The following MED12L variants were observed in gnomAD, a reference collection of about 807,000 sequenced individuals.
The protein encoded by MED12L is mediator of RNA polymerase II transcription subunit 12-like protein.
MED12L carries 60 observed loss-of-function variants against 281.3 expected under a neutral mutation model. The ratio of observed to expected loss-of-function variants is 0.21; its 90% confidence interval spans 0.17 to 0.26. MED12L has a LOEUF of 0.26. Ranked by LOEUF, MED12L falls within the 10% of genes least tolerant of loss-of-function variation. The probability of loss-of-function intolerance (pLI) is 1.00; values close to 1 mark genes in which losing one functional copy is unlikely to be tolerated. For synonymous variants in MED12L, 974 were observed against 987.2 expected (o/e 0.99, Z 0.25); for missense variants, 2,146 against 2,680.9 (o/e 0.80, Z 4.41).
intron 44 of MED12L, among the ~76,000 whole-genome samples, chr3:151,431,683 T>G (rs1179676027): frequency 6.6e-6 from 1 of 152,100 alleles, no homozygotes; most frequent in Non-Finnish European, 1.5e-5. Flanking sequence ...TAGAAATAGG[T>G]AACTATGATT....
intron 3 of MED12L, among the ~76,000 whole-genome samples, chr3:151,119,778 A>G (rs1713458900): frequency 6.6e-6 from 1 of 152,210 alleles, no homozygotes; most frequent in South Asian, 2.1e-4. Flanking sequence ...GATTTACTCA[A>G]GGACCCAAGA....
At chr3:151,329,448 A>G in intron 16 of MED12L, 1 of 1,408,286 alleles carries the variant, frequency 7.1e-7, no homozygotes, top group South Asian at 1.3e-5. Context: ...TATATAAGCA[A>G]GCACACTCAT....
intron 11 of MED12L, among the ~76,000 whole-genome samples, chr3:151,176,823 G>A (rs1722107938): frequency 6.6e-6 from 1 of 151,480 alleles, no homozygotes; most frequent in Non-Finnish European, 1.5e-5. Context: ...TTGGTCAACT[G>A]CGGAATTAAG....
At chr3:151,121,206 A>G (rs2148767127) in intron 3 of MED12L, among the ~76,000 whole-genome samples, 1 of 152,332 alleles carries the variant, frequency 6.6e-6, no homozygotes, top group East Asian at 1.9e-4. Context: ...GTTTCCAAAC[A>G]GCTGGTTTTC....
chr3:151,125,673 A>G (rs1714407299), intron 4 of MED12L, among the ~76,000 whole-genome samples: 1 of 152,192 alleles, frequency 6.6e-6, no homozygotes, highest in Non-Finnish European at 1.5e-5. Flanking sequence ...TTCTAGTGAA[A>G]AGCAGCAACT....
At chr3:151,240,725 G>T (rs527878390) in intron 16 of MED12L, among the ~76,000 whole-genome samples, 1 of 152,194 alleles carries the variant, frequency 6.6e-6, no homozygotes, top group Non-Finnish European at 1.5e-5. Context: ...TAAATATCCA[G>T]TCAAGGGACT....
intron 39 of MED12L, among the ~76,000 whole-genome samples, chr3:151,397,984 C>T (rs1394480959): frequency 1.3e-5 from 2 of 151,984 alleles, no homozygotes; most frequent in Non-Finnish European, 2.9e-5. Flanking sequence ...TTTCTAGTAA[C>T]CCACTGGTTA....
chr3:151,296,594 C>T (rs1282129387), intron 16 of MED12L, among the ~76,000 whole-genome samples: 1 of 81,234 alleles, frequency 1.2e-5, no homozygotes. Flanking sequence ...TTCCTTCCTT[C>T]TTTCTCCCAC....
chr3:151,188,592 A>C, intron 13 of MED12L, 112 bp downstream of exon 13: 1 of 1,145,222 alleles, frequency 8.7e-7, no homozygotes, highest in Non-Finnish European at 1.2e-6. Flanking sequence ...CACTGAATAT[A>C]ATGTATGTTT....
intron 16 of MED12L, among the ~76,000 whole-genome samples, chr3:151,282,400 A>G (rs1162184753): frequency 6.7e-6 from 1 of 148,584 alleles, no homozygotes; most frequent in African/African-American, 2.5e-5. Context: ...CAAGTTATTT[A>G]TAATTGTGTG....
In MED12L at chr3:151,295,974, CA is replaced by C. The variant is rs780076180; in HGVS notation, c.2251-54084del. On this transcript the variant is annotated intron_variant, in intron 16 of 44. Coordinates refer to ENST00000687756, the MANE Select transcript of MED12L (RefSeq NM_001393769.1). ...CTGATTATTATAAATATTTACATGT[CA>C]TCTAGTAAATTCTTCATTAAAATGC... 7.9e-5 allele frequency among the ~76,000 whole-genome samples: 12 copies of C among 152,212 alleles called. No individual in the cohort carries two copies. In the South Asian group the frequency reaches 2.5e-3, roughly 32 times the overall value.
At chr3:151,192,959 T>C (rs1416573921) in intron 15 of MED12L, among the ~76,000 whole-genome samples, 1 of 152,238 alleles carries the variant, frequency 6.6e-6, no homozygotes, top group Non-Finnish European at 1.5e-5. Flanking sequence ...CATGTTGATT[T>C]GCTATGTATA....
chr3:151,401,101 C>A (rs1021094415), intron 39 of MED12L, among the ~76,000 whole-genome samples: 2 of 152,102 alleles, frequency 1.3e-5, no homozygotes, highest in Admixed American at 6.5e-5. Flanking sequence ...TGAAATGTTA[C>A]GTAAATGTTC....
intron 5 of MED12L, among the ~76,000 whole-genome samples, chr3:151,140,843 A>T (rs2054782739): frequency 6.9e-6 from 1 of 144,262 alleles, no homozygotes; most frequent in South Asian, 2.2e-4. Flanking sequence ...CCACACGCAG[A>T]TAATTTTGTT....
intron 2 of MED12L, among the ~76,000 whole-genome samples, chr3:151,097,764 A>G (rs1720905998): frequency 6.6e-6 from 1 of 152,148 alleles, no homozygotes; most frequent in Admixed American, 6.5e-5. Flanking sequence ...AATGTTCACC[A>G]ATGCACCAAA....
chr3:151,130,253 T>G (rs1475904275), intron 5 of MED12L, among the ~76,000 whole-genome samples: 2 of 151,960 alleles, frequency 1.3e-5, no homozygotes, highest in African/African-American at 4.8e-5. Flanking sequence ...TTAGTAAATG[T>G]TATGTGTAGT....
chr3:151,223,342 A>G (rs1729793417), intron 16 of MED12L, among the ~76,000 whole-genome samples: 1 of 152,226 alleles, frequency 6.6e-6, no homozygotes, highest in African/African-American at 2.4e-5. Context: ...ATTACTAGGT[A>G]TATACTCAAA....
chr3:151,116,172 A>G (rs1712779859), intron 2 of MED12L, among the ~76,000 whole-genome samples, 166 bp from the exon 3 acceptor site: 1 of 151,392 alleles, frequency 6.6e-6, no homozygotes, highest in South Asian at 2.1e-4. Context: ...TTATGTGTTT[A>G]TGTATTGGTG....
At chr3:151,346,332 G>T (rs1197655015) in intron 16 of MED12L, among the ~76,000 whole-genome samples, 1 of 152,064 alleles carries the variant, frequency 6.6e-6, no homozygotes, top group East Asian at 1.9e-4. Flanking sequence ...TGAAAGATAG[G>T]TCTGAAACAA....
Sources: gnomAD v4.1 joint callset for allele counts (sites outside exome capture counted in the v4.1 genomes callset) on GRCh38, gnomAD v4.1.1 for gene constraint, MANE v1.5 for transcripts, NCBI Gene and HGNC (gene_info 2026-07-23, HGNC 2026-07-21) for gene names.